The following CNTNAP3B variants were observed in gnomAD, a reference collection of about 807,000 sequenced individuals.
CNTNAP3B encodes the protein contactin-associated protein-like 3B.
Under a neutral mutation model 108.9 loss-of-function variants are expected in CNTNAP3B, and 25 were observed. That is an observed-to-expected ratio of 0.23 (90% CI 0.17 to 0.32). CNTNAP3B has a LOEUF of 0.32. Among genes scored for constraint, CNTNAP3B ranks in the 10% least tolerant of loss-of-function variants. CNTNAP3B has a pLI of 1.00. For missense variants in CNTNAP3B, 252 were observed against 1,210.4 expected, an observed-to-expected ratio of 0.21 and a Z score of 11.75; for synonymous variants, 103 against 473.4, an observed-to-expected ratio of 0.22 and a Z score of 10.16.
chr9:42,052,020 C>T (rs1826975308), intron 3 of CNTNAP3B, among the ~76,000 whole-genome samples: 1 of 149,590 alleles, frequency 6.7e-6, no homozygotes, highest in Admixed American at 6.7e-5. Context: ...AAAGACAAGC[C>T]ATTTGATATG....
chr9:41,965,616 C>G (rs1621163), intron 10 of CNTNAP3B, among the ~76,000 whole-genome samples: 2 of 150,908 alleles, frequency 1.3e-5, no homozygotes, highest in Non-Finnish European at 3.0e-5. Flanking sequence ...AGTGAAGATT[C>G]TAAAGGACAC....
At position 41,942,866 on chromosome 9, in the gene CNTNAP3B, C is replaced by T. The variant is rs1336789367; in HGVS notation, c.2081-4466G>A. Among the ~76,000 whole-genome samples the T allele has an allele frequency of 9.2e-5, 14 of 152,286 alleles. No individual in the cohort carries two copies. In the South Asian group the frequency reaches 1.7e-3, roughly 18 times the overall value. On this transcript the variant is annotated intron_variant, in intron 13 of 23. Coordinates refer to ENST00000377561, the MANE Select transcript of CNTNAP3B (RefSeq NM_001201380.3). ...CAGTTATGCAAAGAGCAAATTCAGC[C>T]TAACTACTAACCAGATAAACATAAA... is the stretch of plus-strand genomic sequence containing the variant.
At chr9:42,054,529 G>A (rs1290973525) in intron 3 of CNTNAP3B, among the ~76,000 whole-genome samples, 1 of 151,828 alleles carries the variant, frequency 6.6e-6, no homozygotes, top group Non-Finnish European at 1.5e-5. Flanking sequence ...CTTGTACTTG[G>A]CCAGGTGTTT....
chr9:42,003,252 A>G (rs1366733425), intron 4 of CNTNAP3B, among the ~76,000 whole-genome samples: 8 of 122,582 alleles, frequency 6.5e-5, no homozygotes, highest in Non-Finnish European at 1.0e-4. Flanking sequence ...CTACTTTTCT[A>G]CTTCTCACTG....
rs1361917016 is a variant in CNTNAP3B, at chr9:41,912,625, TTTTGATTTCGGAGTGTATAG to T, written c.2996-3864_2996-3845del. On this transcript the variant is annotated intron_variant, in intron 18 of 23. Transcript: ENST00000377561. ...ATCTCAAAACCTTTTCTAATTTCCC[TTTTGATTTCGGAGTGTATAG>T]TTTAATTTCCACATATTTGTGATAT... is the stretch of plus-strand genomic sequence containing the variant. Among the ~76,000 whole-genome samples the T allele has an allele frequency of 3.2e-5, 2 of 61,764 alleles. 1 individual carries two copies. Among genetic ancestry groups the T allele is most frequent in the Non-Finnish European group, 6.4e-5 (2 of 31,042 alleles). The allele number at this position is 61,764 out of a possible 152,430, so 40.5% of individuals were successfully genotyped here.
chr9:41,955,944 C>A (rs1587142246), intron 12 of CNTNAP3B, among the ~76,000 whole-genome samples: 1 of 152,200 alleles, frequency 6.6e-6, no homozygotes, highest in South Asian at 2.1e-4. Flanking sequence ...GAACCTAGCT[C>A]AAACCAGCCT....
At chr9:42,103,419 A>T (rs1828039070) in intron 2 of CNTNAP3B, among the ~76,000 whole-genome samples, 1 of 10,456 alleles carries the variant, frequency 9.6e-5, no homozygotes, top group African/African-American at 4.0e-4. Flanking sequence ...ACAGGGAGTT[A>T]AAAAAAAAAA....
At position 41,920,786 on chromosome 9, in the gene CNTNAP3B, G is replaced by A. The variant is rs1361398765; in HGVS notation, c.2756-477C>T. 2.6e-5 allele frequency among the ~76,000 whole-genome samples: 4 copies of A among 152,414 alleles called. No homozygotes were observed. The East Asian group carries it at 7.7e-4, about 29-fold the overall frequency. The stretch of plus-strand genomic sequence containing the variant: ...ATATATATGGATAAATTTCTTACTT[G>A]GATGGACTCTAAAAATAAAGTGTGA... On this transcript the variant is annotated intron_variant, in intron 17 of 23. Transcript: ENST00000377561.
intron 13 of CNTNAP3B, among the ~76,000 whole-genome samples, chr9:41,942,492 T>G: frequency 6.6e-6 from 1 of 151,314 alleles, no homozygotes; most frequent in South Asian, 2.1e-4. Context: ...GCGCCTGTAG[T>G]CCCAGCTACT....
intron 2 of CNTNAP3B, among the ~76,000 whole-genome samples, chr9:42,095,761 C>T (rs1244621889): frequency 1.5e-5 from 2 of 137,264 alleles, no homozygotes; most frequent in African/African-American, 5.9e-5. Context: ...TGGTCGCAGA[C>T]CCTTGAAAAT....
chr9:42,076,824 T>C (rs1428221475), intron 3 of CNTNAP3B, 45 bp downstream of exon 3: 3 of 1,512,148 alleles, frequency 2.0e-6, no homozygotes, highest in Non-Finnish European at 2.7e-6. Flanking sequence ...GTTTTTCTAA[T>C]AGGTTTGCAG....
chr9:41,966,315 T>C, intron 10 of CNTNAP3B, among the ~76,000 whole-genome samples: 1 of 152,308 alleles, frequency 6.6e-6, no homozygotes, highest in Non-Finnish European at 1.5e-5. Context: ...AGAATAATTT[T>C]AGTTCAAAAT....
chr9:41,939,987 A>C (rs541743119), intron 13 of CNTNAP3B, among the ~76,000 whole-genome samples: 1 of 152,274 alleles, frequency 6.6e-6, no homozygotes, highest in Non-Finnish European at 1.5e-5. Context: ...TTTTAAAAAA[A>C]CTCTGAATGG....
chr9:42,111,646 C>T (rs1215594268), intron 1 of CNTNAP3B, among the ~76,000 whole-genome samples: 1 of 138,744 alleles, frequency 7.2e-6, no homozygotes, highest in Non-Finnish European at 1.5e-5. Flanking sequence ...ATTGTTCAAG[C>T]CTATTTGATC....
intron 13 of CNTNAP3B, among the ~76,000 whole-genome samples, chr9:41,943,807 A>C (rs1587129672): frequency 6.6e-6 from 1 of 152,252 alleles, no homozygotes. Flanking sequence ...TAGGTTCAGG[A>C]ATCTCAGCAA....
At chr9:42,054,578 T>C (rs1387856270) in intron 3 of CNTNAP3B, among the ~76,000 whole-genome samples, 7 of 151,732 alleles carry the variant, frequency 4.6e-5, no homozygotes, top group Non-Finnish European at 1.0e-4. Context: ...AGTTAGTTAC[T>C]CTTAGCCAGG....
chr9:42,018,903 A>G (rs1477167262), intron 3 of CNTNAP3B, among the ~76,000 whole-genome samples: 2 of 149,720 alleles, frequency 1.3e-5, no homozygotes, highest in African/African-American at 2.5e-5. Flanking sequence ...CTCTTAGCAT[A>G]GGACTAGCAT....
At chr9:41,917,613 A>G (rs1265592997) in intron 18 of CNTNAP3B, among the ~76,000 whole-genome samples, 1 of 144,090 alleles carries the variant, frequency 6.9e-6, no homozygotes, top group East Asian at 2.0e-4. Context: ...CTGGTGGAGA[A>G]ACTGTTCCTT....
chr9:41,943,462 C>A (rs1365141153), intron 13 of CNTNAP3B, among the ~76,000 whole-genome samples: 2 of 151,238 alleles, frequency 1.3e-5, no homozygotes, highest in Non-Finnish European at 2.9e-5. Context: ...ACGCCATTCT[C>A]CTGCCTCAGC....
Sources: allele counts gnomAD v4.1 joint callset (sites outside exome capture counted in the v4.1 genomes callset), GRCh38; gene constraint gnomAD v4.1.1; transcripts MANE v1.5; gene names NCBI Gene and HGNC (gene_info 2026-07-23, HGNC 2026-07-21).